KCNT2: variants seen among roughly 807,000 people sequenced by gnomAD.
KCNT2 encodes potassium channel subfamily T member 2.
KCNT2 carries 67 observed loss-of-function variants against 153.8 expected under a neutral mutation model. The observed-to-expected ratio is 0.44, with a 90% confidence interval of 0.36 to 0.53. KCNT2 has a LOEUF of 0.53. Ranked by LOEUF, KCNT2 falls within the 20% of genes least tolerant of loss-of-function variation. The probability of loss-of-function intolerance (pLI) is 0.00; values close to 1 mark genes in which losing one functional copy is unlikely to be tolerated. For synonymous variants in KCNT2, 500 were observed against 458.8 expected (o/e 1.09, Z -1.15); for missense variants, 975 against 1,354.8 (o/e 0.72, Z 4.40).
intron 21 of KCNT2, among the ~76,000 whole-genome samples, chr1:196,309,828 G>A (rs757734426): frequency 2.0e-5 from 3 of 151,576 alleles, no homozygotes; most frequent in African/African-American, 7.3e-5. Flanking sequence ...GAAATAATAC[G>A]TCTCTTTTCC....
intron 12 of KCNT2, among the ~76,000 whole-genome samples, chr1:196,408,565 TG>T (rs1362374334): frequency 6.6e-6 from 1 of 151,684 alleles, no homozygotes; most frequent in Non-Finnish European, 1.5e-5. Flanking sequence ...TCTCTTCAGA[TG>T]CTGGTAAAGC....
intron 1 of KCNT2, among the ~76,000 whole-genome samples, chr1:196,541,851 G>C (rs1434716976): frequency 6.6e-6 from 1 of 151,924 alleles, no homozygotes; most frequent in East Asian, 1.9e-4. Flanking sequence ...ATTATATATT[G>C]ATTAGTAATA....
intron 12 of KCNT2, among the ~76,000 whole-genome samples, chr1:196,410,694 A>C (rs985922350): frequency 3.5e-5 from 5 of 144,046 alleles, no homozygotes; most frequent in African/African-American, 1.0e-4. Context: ...ACGCAATAAA[A>C]TCTGTGCTCA....
chr1:196,450,216 C>A (rs899905097), intron 8 of KCNT2, among the ~76,000 whole-genome samples: 1 of 151,754 alleles, frequency 6.6e-6, no homozygotes, highest in African/African-American at 2.4e-5. Context: ...GTCTTTCATC[C>A]CTATATAATG....
chr1:196,578,310 C>G (rs76707206), intron 1 of KCNT2, among the ~76,000 whole-genome samples: 2,053 of 152,224 alleles, frequency 0.013, 27 homozygotes, highest in African/African-American at 0.047. Flanking sequence ...AGAAAGACAA[C>G]AAGAAGCACC....
chr1:196,593,309 TATACAC>T (rs770967630), intron 1 of KCNT2, among the ~76,000 whole-genome samples: 7 of 126,716 alleles, frequency 5.5e-5, no homozygotes, highest in Non-Finnish European at 6.3e-5. Context: ...TATATATATA[TATACAC>T]ACACACACAC....
intron 21 of KCNT2, among the ~76,000 whole-genome samples, chr1:196,308,883 A>T (rs2147993156): frequency 6.6e-6 from 1 of 152,174 alleles, no homozygotes; most frequent in South Asian, 2.1e-4. Flanking sequence ...TTTTAAAAAT[A>T]ACGTTTTATA....
chr1:196,239,536 A>G (rs1474519386), intron 26 of KCNT2, among the ~76,000 whole-genome samples: 1 of 152,012 alleles, frequency 6.6e-6, no homozygotes, highest in Non-Finnish European at 1.5e-5. Flanking sequence ...GGACAGAATC[A>G]TATTCCTATG....
Position 196,258,353 on chromosome 1 carries a change from C to T in KCNT2, c.3052G>A (p.Ala1018Thr), listed in dbSNP as rs141657824. Residue 1018 changes from alanine (A) to threonine (T), a missense_variant, in exon 26 of 28, where the codon GCC becomes ACC. Ala to Thr is a moderately conservative substitution (Grantham distance 58). This residue lies in a region of KCNT2 where 241 missense variants were observed against 271.1 expected (regional missense o/e 0.89). Transcript: ENST00000294725. Reference sequence around the variant, plus strand: ...GGGCCTTTTCTGCTCAGTCTTCGGGCCCACTGCATGCTTTTTCTCCGCAGC... The same window carrying T: ...GGGCCTTTTCTGCTCAGTCTTCGGGTCCACTGCATGCTTTTTCTCCGCAGC... ...PLLRRKSMQW[A>T]RRLSRKGPKH... 3.7e-6 allele frequency: 6 copies of T among 1,613,974 alleles called. No homozygotes were observed. The highest frequency in any genetic ancestry group is 5.1e-6 in the Non-Finnish European group (6 of 1,179,984).
Position 196,422,241 on chromosome 1 carries a change from C to A in KCNT2, c.1185+809G>T, listed in dbSNP as rs939730884. The stretch of plus-strand genomic sequence containing the variant: ...TCCTAGATTAATGTAAAAGAGTATG[C>A]CTATTAAGTGCTCCAGAAGAGAATA... On this transcript the variant is annotated intron_variant, in intron 12 of 27. Transcript: ENST00000294725. Among the ~76,000 whole-genome samples, 191 of 152,058 alleles carry A rather than the reference C, an allele frequency of 1.3e-3. 1 individual carries two copies. The highest frequency in any genetic ancestry group is 4.4e-3 in the African/African-American group (184 of 41,534).
At chr1:196,353,994 T>A (rs1666969102) in intron 14 of KCNT2, among the ~76,000 whole-genome samples, 1 of 151,960 alleles carries the variant, frequency 6.6e-6, no homozygotes, top group Admixed American at 6.6e-5. Context: ...AGTAAAGTAG[T>A]CCCACTTTAA....
At chr1:196,370,485 A>T (rs542924605) in intron 14 of KCNT2, among the ~76,000 whole-genome samples, 2 of 152,250 alleles carry the variant, frequency 1.3e-5, no homozygotes, top group African/African-American at 4.8e-5. Flanking sequence ...GAATTGTATT[A>T]GTCAGAGTAC....
rs753573989 is a variant in KCNT2, at chr1:196,319,564, T to C, written c.2277-9A>G. ...GAAAATGCATATCTGGCCTAAGTAGTAGATGGGTTACAAAATGAAACACAA... is the reference window on the plus strand; with the variant it reads ...GAAAATGCATATCTGGCCTAAGTAGCAGATGGGTTACAAAATGAAACACAA... On this transcript the variant is annotated splice_polypyrimidine_tract_variant and intron_variant, in intron 19 of 27. Transcript: ENST00000294725. 1.9e-6 allele frequency: 3 copies of C among 1,586,518 alleles called. No individual in the cohort carries two copies. The highest frequency in any genetic ancestry group is 1.7e-4 in the Middle Eastern group (1 of 5,986).
intron 26 of KCNT2, among the ~76,000 whole-genome samples, chr1:196,248,857 C>G (rs745457162): frequency 4.6e-5 from 7 of 151,972 alleles, no homozygotes; most frequent in Non-Finnish European, 8.8e-5. Flanking sequence ...AAGAAACAAA[C>G]AAACAAAACT....
chr1:196,578,988 T>TC (rs1364805596), intron 1 of KCNT2, among the ~76,000 whole-genome samples: 11 of 152,070 alleles, frequency 7.2e-5, no homozygotes, highest in African/African-American at 2.4e-4. Flanking sequence ...TACACAAGTG[T>TC]AGTTTCCCTC....
intron 26 of KCNT2, among the ~76,000 whole-genome samples, chr1:196,236,856 T>C (rs1407138488): frequency 6.6e-6 from 1 of 151,592 alleles, no homozygotes; most frequent in Non-Finnish European, 1.5e-5. Flanking sequence ...TTTTTAGATT[T>C]CAAGATTATC....
intron 1 of KCNT2, among the ~76,000 whole-genome samples, chr1:196,509,172 G>A (rs756558532): frequency 2.6e-5 from 4 of 151,628 alleles, no homozygotes; most frequent in Admixed American, 6.6e-5. Context: ...GGGAGGCTGA[G>A]GCAGGAGAAT....
At chr1:196,248,995 A>T (rs191687865) in intron 26 of KCNT2, among the ~76,000 whole-genome samples, 2 of 152,316 alleles carry the variant, frequency 1.3e-5, no homozygotes, top group Admixed American at 6.5e-5. Flanking sequence ...GGATGCAGAG[A>T]TGCTTCAACA....
At chr1:196,596,789 C>T (rs1462033577) in intron 1 of KCNT2, among the ~76,000 whole-genome samples, 1 of 152,056 alleles carries the variant, frequency 6.6e-6, no homozygotes, top group South Asian at 2.1e-4. Context: ...GCAGCCTCGA[C>T]CTCCCAAGCT....
Sources: allele counts gnomAD v4.1 joint callset (sites outside exome capture counted in the v4.1 genomes callset), GRCh38; gene constraint gnomAD v4.1.1; regional missense constraint gnomAD v4.1.1; transcripts MANE v1.5; gene names NCBI Gene and HGNC (gene_info 2026-07-23, HGNC 2026-07-21).